Variants in HS2ST1 observed in about 807,000 individuals in gnomAD.
The protein encoded by HS2ST1 is heparan sulfate 2-O-sulfotransferase 1.
HS2ST1 carries 18 observed loss-of-function variants against 42.9 expected under a neutral mutation model. The observed-to-expected ratio is 0.42, with a 90% CI of 0.29 to 0.62. The LOEUF (loss-of-function observed/expected upper bound fraction) is 0.62. Ranked by LOEUF, HS2ST1 falls within the 20% of genes least tolerant of loss-of-function variation. HS2ST1 has a pLI of 0.21. For synonymous variants in HS2ST1, 146 were observed against 152.9 expected, an observed-to-expected ratio of 0.95 and a Z score of 0.33; for missense variants, 334 against 433.8, an observed-to-expected ratio of 0.77 and a Z score of 2.04.
At chr1:87,014,563 A>C (rs1308976402) in intron 1 of HS2ST1, among the ~76,000 whole-genome samples, 1 of 152,246 alleles carries the variant, frequency 6.6e-6, no homozygotes, top group Non-Finnish European at 1.5e-5. Context: ...AAAGTTGTCA[A>C]AGTCAAAATG....
At chr1:87,089,398 G>C (rs1250328412) in intron 3 of HS2ST1, among the ~76,000 whole-genome samples, 1 of 151,996 alleles carries the variant, frequency 6.6e-6, no homozygotes, top group African/African-American at 2.4e-5. Context: ...TGTTCTAACA[G>C]GTCAACAGTA....
chr1:87,014,008 A>G (rs1336590277), intron 1 of HS2ST1, among the ~76,000 whole-genome samples: 1 of 152,192 alleles, frequency 6.6e-6, no homozygotes, highest in Non-Finnish European at 1.5e-5. Context: ...ACAAGTCTCC[A>G]GGAAGTTCCA....
chr1:87,022,269 A>G (rs191878305), intron 1 of HS2ST1, among the ~76,000 whole-genome samples: 1 of 152,194 alleles, frequency 6.6e-6, no homozygotes, highest in African/African-American at 2.4e-5. Context: ...TACCTGTCAT[A>G]TTAGTAAGAT....
At chr1:86,969,291 A>T (rs1445233358) in intron 1 of HS2ST1, among the ~76,000 whole-genome samples, 2 of 152,112 alleles carry the variant, frequency 1.3e-5, no homozygotes, top group Admixed American at 6.5e-5. Flanking sequence ...TTAAGGATAC[A>T]TTTTCTTTCT....
In HS2ST1 at chr1:86,914,944, CCGGCT is replaced by C; in HGVS notation, c.-88_-84del. On this transcript the variant is annotated 5_prime_UTR_variant, in exon 1 of 7. Transcript: ENST00000370550. ...CTGTCGCTCTCTCTTTGCCTCGCTC[CCGGCT>C]CGGCGGGCTCCTCCCGGCGTCTCTC... The C allele has an allele frequency of 2.6e-6, 4 of 1,529,234 alleles. No individual in the cohort carries two copies. The highest frequency in any genetic ancestry group is 3.6e-6 in the Non-Finnish European group (4 of 1,117,718). 94.7% of individuals were successfully genotyped at this position (1,529,234 alleles called of 1,614,324 possible).
chr1:87,001,998 C>T (rs1195427542), intron 1 of HS2ST1, among the ~76,000 whole-genome samples: 3 of 151,520 alleles, frequency 2.0e-5, no homozygotes, highest in African/African-American at 2.4e-5. Context: ...CTGCAAGATC[C>T]GCCTCCAGGG....
At position 86,915,302 on chromosome 1, in the gene HS2ST1, A is replaced by G. The variant is rs549421777; in HGVS notation, c.124+142A>G. 30 of 928,378 alleles carry G rather than the reference A, an allele frequency of 3.2e-5. No homozygotes were observed. The African/African-American group carries it at 4.7e-4, about 15-fold the overall frequency. The allele number at this position is 928,378 out of a possible 1,614,324, so 57.5% of individuals were successfully genotyped here. On this transcript the variant is annotated intron_variant, in intron 1 of 6. Coordinates refer to ENST00000370550, the MANE Select transcript of HS2ST1 (RefSeq NM_012262.4). The stretch of plus-strand genomic sequence containing the variant: ...TCAAAGAGAACCGGGAACAAGGGGC[A>G]GCGAGAGCACGAGCTCCAAGAATGG...
chr1:87,104,680 A>T lies in HS2ST1; in HGVS notation c.1055A>T (p.Tyr352Phe), dbSNP rs768331059. 2 of 1,604,902 alleles carry T rather than the reference A, an allele frequency of 1.2e-6. No individual in the cohort carries two copies. The highest frequency in any genetic ancestry group is 4.5e-5 in the East Asian group (2 of 44,806). ...LAQNFFYEKI[Y>F]PKSN ...CAAAACTTTTTCTATGAAAAGATTT[A>T]CCCTAAGTCGAACTGAGTATAAGGT... is the stretch of plus-strand genomic sequence containing the variant. Residue 352 changes from tyrosine (Y) to phenylalanine (F), a missense_variant, in exon 7 of 7, where the codon TAC becomes TTC. By Grantham distance (22) the Tyr-to-Phe change is conservative (BLOSUM62 3). Coordinates refer to ENST00000370550, the MANE Select transcript of HS2ST1 (RefSeq NM_012262.4).
chr1:87,023,497 T>C (rs1175397221), intron 1 of HS2ST1, among the ~76,000 whole-genome samples: 1 of 151,846 alleles, frequency 6.6e-6, no homozygotes, highest in African/African-American at 2.4e-5. Context: ...TAGAATAGTA[T>C]GTATAACATG....
chr1:86,996,161 G>A (rs1374006314), intron 1 of HS2ST1, among the ~76,000 whole-genome samples: 2 of 152,088 alleles, frequency 1.3e-5, no homozygotes, highest in Non-Finnish European at 2.9e-5. Context: ...AAGTACCAAA[G>A]GCCAGGTACA....
chr1:87,041,731 C>G (rs1277451183), intron 1 of HS2ST1, among the ~76,000 whole-genome samples: 1 of 152,160 alleles, frequency 6.6e-6, no homozygotes, highest in East Asian at 1.9e-4. Context: ...ATAATGTTCT[C>G]AAGGTTAATC....
intron 1 of HS2ST1, among the ~76,000 whole-genome samples, chr1:87,017,388 C>G (rs996932376): frequency 3.3e-5 from 5 of 152,174 alleles, no homozygotes; most frequent in Admixed American, 1.3e-4. Context: ...CTGCCTGCCT[C>G]GGCCTCCCAA....
intron 1 of HS2ST1, among the ~76,000 whole-genome samples, chr1:86,963,441 A>G (rs150207219): frequency 0.024 from 3,587 of 152,244 alleles, 73 homozygotes; most frequent in African/African-American, 0.049. Flanking sequence ...CCCTGAGTGG[A>G]CACAGCACAT....
At chr1:87,046,679 C>G in intron 1 of HS2ST1, 1 of 1,441,430 alleles carries the variant, frequency 6.9e-7, no homozygotes, top group Non-Finnish European at 9.3e-7. Context: ...CCTGAAAGAC[C>G]GGCAGGTTCT....
chr1:86,964,587 A>G lies in HS2ST1; in HGVS notation c.124+49427A>G, dbSNP rs144551666. On this transcript the variant is annotated intron_variant, in intron 1 of 6. Coordinates refer to ENST00000370550, the MANE Select transcript of HS2ST1 (RefSeq NM_012262.4). ...GGTTGCAGTGAGCCGAGATGGCAGCAGTACAGTCCAGCTTCGGCTCGGCAT... is the reference window on the plus strand; with the variant it reads ...GGTTGCAGTGAGCCGAGATGGCAGCGGTACAGTCCAGCTTCGGCTCGGCAT... 4.6e-3 allele frequency among the ~76,000 whole-genome samples: 697 copies of G among 152,366 alleles called. 4 individuals are homozygous for G. The highest frequency in any genetic ancestry group is 0.02 in the Middle Eastern group (6 of 294).
intron 1 of HS2ST1, among the ~76,000 whole-genome samples, chr1:86,989,705 T>C (rs1281958976): frequency 1.3e-5 from 2 of 152,218 alleles, no homozygotes; most frequent in African/African-American, 4.8e-5. Context: ...TTTCTCCTAA[T>C]GCTATCCCTT....
intron 1 of HS2ST1, among the ~76,000 whole-genome samples, chr1:87,001,429 AG>A (rs1424447310): frequency 2.0e-5 from 3 of 152,222 alleles, no homozygotes; most frequent in Non-Finnish European, 4.4e-5. Context: ...TCTGCGAAGG[AG>A]AAAATTTGTA....
chr1:86,937,282 A>ATT (rs1660678014), intron 1 of HS2ST1, among the ~76,000 whole-genome samples: 2 of 152,296 alleles, frequency 1.3e-5, no homozygotes, highest in South Asian at 4.1e-4. Flanking sequence ...AGAGGTATTA[A>ATT]TTAAGTATAG....
chr1:87,018,440 G>C (rs1649825996), intron 1 of HS2ST1, among the ~76,000 whole-genome samples: 1 of 152,128 alleles, frequency 6.6e-6, no homozygotes, highest in Non-Finnish European at 1.5e-5. Context: ...CCACCCACGA[G>C]GCAGTTTTGT....
Sources: gnomAD v4.1 joint callset for allele counts (sites outside exome capture counted in the v4.1 genomes callset) on GRCh38, gnomAD v4.1.1 for gene constraint, MANE v1.5 for transcripts, NCBI Gene and HGNC (gene_info 2026-07-23, HGNC 2026-07-21) for gene names.